The following ZNF605 variants were observed in gnomAD, a reference collection of about 807,000 sequenced individuals.
ZNF605 encodes zinc finger protein 605.
A neutral mutation model predicts 7.9 loss-of-function variants in ZNF605; 9 were observed. The observed-to-expected ratio is 1.14, with a 90% confidence interval of 0.68 to 1.98. ZNF605 has a LOEUF of 1.98. Among genes scored for constraint, ZNF605 ranks in the 30% most tolerant of loss-of-function variants. The pLI, the probability that ZNF605 is intolerant of heterozygous loss-of-function variation, is 0.00. For synonymous variants in ZNF605, 255 were observed against 260.1 expected, an observed-to-expected ratio of 0.98 and a Z score of 0.19; for missense variants, 673 against 762.4, an observed-to-expected ratio of 0.88 and a Z score of 1.38.
chr12:132,926,926 T>C lies in ZNF605; in HGVS notation c.373A>G (p.Lys125Glu). The C allele has an allele frequency of 1.2e-6, 2 of 1,611,584 alleles. No homozygotes were observed. Among genetic ancestry groups the C allele is most frequent in the East Asian group, 4.5e-5 (2 of 44,872 alleles). The change falls in exon 5 of 5, where the codon AAG becomes GAG. Residue 125 changes from lysine (K) to glutamate (E), a missense_variant. Transcript: ENST00000360187. ...CERKKIDELN[K>E]KLLFCIKPGR... ...GGTTTGATACAGAACAATAATTTCT[T>C]ATTGAGTTCATCAATTTTCTTTCTT...
In ZNF605 at chr12:132,945,799, T is replaced by C; in HGVS notation, c.-162-2A>G. On this transcript the variant is annotated splice_acceptor_variant, in intron 2 of 4. Transcript: ENST00000360187. LOFTEE classifies it low-confidence loss of function (5UTR_SPLICE). Reference sequence around the variant, plus strand: ...TGTCTTGTTCCAGAGGGCTATTGCCTGTGGATGCAGTGGACATTTTATTTT... The same window carrying C: ...TGTCTTGTTCCAGAGGGCTATTGCCCGTGGATGCAGTGGACATTTTATTTT... 1.0e-6 allele frequency: 1 copy of C among 968,744 alleles called. No homozygotes were observed. Among genetic ancestry groups the C allele is most frequent in the Non-Finnish European group, 1.6e-6 (1 of 612,450 alleles). 60.0% of individuals were successfully genotyped at this position (968,744 alleles called of 1,614,324 possible). A position where few individuals can be genotyped will look rare whatever the true frequency, so the allele number is the denominator to read the frequency against.
At chr12:132,938,938 T>C (rs111986048) in intron 3 of ZNF605, among the ~76,000 whole-genome samples, 90 of 152,074 alleles carry the variant, frequency 5.9e-4, no homozygotes, top group African/African-American at 1.1e-3. Flanking sequence ...CCAGCAGTGC[T>C]GGCCCACCGG....
At chr12:132,935,275 G>T (rs1040724867) in intron 3 of ZNF605, among the ~76,000 whole-genome samples, 1 of 152,046 alleles carries the variant, frequency 6.6e-6, no homozygotes, top group African/African-American at 2.4e-5. Context: ...GGAGTACTCC[G>T]TGTGTGGGTC....
At position 132,933,329 on chromosome 12, in the gene ZNF605, C is replaced by T. The variant is rs1952324959; in HGVS notation, c.16-174G>A. On this transcript the variant is annotated intron_variant, in intron 3 of 4. Coordinates refer to ENST00000360187, the MANE Select transcript of ZNF605 (RefSeq NM_183238.4). The surrounding 1 kb of genome is among the most constrained non-coding windows in gnomAD (Gnocchi z 4.4). ...TGACCGTGGGCTGGACTCACTGACT[C>T]ATTGTCCTGAACAGAACAGGGAAAC... Among the ~76,000 whole-genome samples, 3 of 152,228 alleles carry T rather than the reference C, an allele frequency of 2.0e-5. No homozygotes were observed. The South Asian group carries it at 6.2e-4, about 31-fold the overall frequency.
chr12:132,925,035 A>T lies in ZNF605; in HGVS notation c.*338T>A. ...TGAAATCTTCCACTTTGTTATAAAA[A>T]ACAATAGAATTTTCTTCCTGTTTAG... On this transcript the variant is annotated 3_prime_UTR_variant, in exon 5 of 5. Transcript: ENST00000360187. 1 of 197,996 alleles carries T rather than the reference A, an allele frequency of 5.1e-6. No individual in the cohort carries two copies. Among genetic ancestry groups the T allele is most frequent in the Non-Finnish European group, 1.0e-5 (1 of 98,574 alleles). 12.3% of individuals were successfully genotyped at this position (197,996 alleles called of 1,614,324 possible).
At position 132,926,595 on chromosome 12, in the gene ZNF605, C is replaced by T; in HGVS notation, c.704G>A (p.Ser235Asn). The T allele has an allele frequency of 5.0e-6, 8 of 1,614,176 alleles. No individual in the cohort carries two copies. The South Asian group carries it at 7.7e-5, about 16-fold the overall frequency. Reference protein sequence around the residue: ...HGCSECQKAFSRKSLLILHQR... With the variant: ...HGCSECQKAFNRKSLLILHQR... ...ATGTAAAATGAGGAGTGACTTCCTA[C>T]TAAAAGCTTTCTGACATTCGCTGCA... Residue 235 changes from serine (S) to asparagine (N), a missense_variant, in exon 5 of 5, where the codon AGT (serine) becomes AAT (asparagine). Transcript: ENST00000360187.
At position 132,941,165 on chromosome 12, in the gene ZNF605, G is replaced by A. The variant is rs1423036381; in HGVS notation, c.15+4456C>T. On this transcript the variant is annotated intron_variant, in intron 3 of 4. Transcript: ENST00000360187. The surrounding 1 kb of genome is among the most constrained non-coding windows in gnomAD (Gnocchi z 5.1). The stretch of plus-strand genomic sequence containing the variant: ...AGACTAAGATGTCTTCCACTCCGGA[G>A]CAAGCAGATATGTGACTGACCGCCT... 6.6e-6 allele frequency among the ~76,000 whole-genome samples: 1 copy of A among 152,114 alleles called. No individual in the cohort carries two copies. Among genetic ancestry groups the A allele is most frequent in the Admixed American group, 6.6e-5 (1 of 15,262 alleles).
intron 3 of ZNF605, among the ~76,000 whole-genome samples, chr12:132,936,310 G>A (rs1952366534): frequency 6.6e-6 from 1 of 151,984 alleles, no homozygotes; most frequent in Non-Finnish European, 1.5e-5. Context: ...GAGTAGATTA[G>A]GAAAAGATAA....
At chr12:132,930,993 CA>C in intron 4 of ZNF605, among the ~76,000 whole-genome samples, 1 of 152,210 alleles carries the variant, frequency 6.6e-6, no homozygotes, top group South Asian at 2.1e-4. Context: ...CCAGCCTGGG[CA>C]ACATAGTGAG....
chr12:132,951,617 G>C, intron 1 of ZNF605, among the ~76,000 whole-genome samples: 1 of 139,878 alleles, frequency 7.1e-6, no homozygotes, highest in East Asian at 2.2e-4. Context: ...ACACACGTTC[G>C]TATCACAGAC....
intron 3 of ZNF605, among the ~76,000 whole-genome samples, chr12:132,943,965 A>T (rs1208995304): frequency 6.6e-6 from 1 of 152,202 alleles, no homozygotes; most frequent in African/African-American, 2.4e-5. Context: ...ATGCCCAGGA[A>T]CGTCCTGATG....
At chr12:132,950,183 G>A (rs1363908381) in intron 1 of ZNF605, among the ~76,000 whole-genome samples, 4 of 152,018 alleles carry the variant, frequency 2.6e-5, no homozygotes, top group East Asian at 3.9e-4. Context: ...GAATTAGTTC[G>A]GACCCTTTTT....
chr12:132,943,372 A>C (rs1479284147), intron 3 of ZNF605, among the ~76,000 whole-genome samples: 133 of 151,592 alleles, frequency 8.8e-4, no homozygotes, highest in African/African-American at 3.1e-3. Flanking sequence ...AAAAAAAAAA[A>C]CAAAAAAAAC....
At position 132,925,376 on chromosome 12, in the gene ZNF605, T is replaced by C. The variant is rs1212714308; in HGVS notation, c.1923A>G (p.Ile641Met). The C allele has an allele frequency of 1.1e-5, 17 of 1,570,456 alleles. No individual in the cohort carries two copies. Among genetic ancestry groups the C allele is most frequent in the Non-Finnish European group, 1.5e-5 (17 of 1,159,010 alleles). ...QLMIHQRNHI[I>M] ...GCATTCGCCAAAGTCATGATTTTTATATTATATGATTTCTCTGATGTATCA... is the reference window on the plus strand; with the variant it reads ...GCATTCGCCAAAGTCATGATTTTTACATTATATGATTTCTCTGATGTATCA... The change falls in exon 5 of 5, where the codon ATA becomes ATG. Residue 641 changes from isoleucine (I) to methionine (M), a missense_variant. Physicochemically the swap from Ile to Met is conservative, Grantham distance 10. Transcript: ENST00000360187.
In ZNF605 at chr12:132,923,527, T is replaced by C. The variant is rs899800410; in HGVS notation, c.*1846A>G. The C allele has an allele frequency of 6.6e-6, 1 of 152,264 alleles. No homozygotes were observed. Among genetic ancestry groups the C allele is most frequent in the Non-Finnish European group, 1.5e-5 (1 of 68,048 alleles). The allele number at this position is 152,264 out of a possible 1,614,324, so 9.4% of individuals were successfully genotyped here. A position where few individuals can be genotyped will look rare whatever the true frequency, so the allele number is the denominator to read the frequency against. On this transcript the variant is annotated 3_prime_UTR_variant, in exon 5 of 5. Coordinates refer to ENST00000360187, the MANE Select transcript of ZNF605 (RefSeq NM_183238.4). The stretch of plus-strand genomic sequence containing the variant: ...TTAGAGATAATACTCCATTGTCTTA[T>C]AGCTTGCATAGTTCTCACCAGAAAT...
At chr12:132,950,830 TAACG>T (rs1952552749) in intron 1 of ZNF605, among the ~76,000 whole-genome samples, 1 of 149,710 alleles carries the variant, frequency 6.7e-6, no homozygotes. Context: ...CACACACTGA[TAACG>T]AACATCACAC....
At position 132,926,417 on chromosome 12, in the gene ZNF605, T is replaced by C; in HGVS notation, c.882A>G (p.Leu294=). ...GCGCTCTCTGATGTGTGATGAGTTT[T>C]AATTTCTGGGAGAATGCTTTCCCAC... ...SECGKAFSQK[L]KLITHQRAHT... The change falls in exon 5 of 5, where the codon TTA becomes TTG. Residue 294 remains leucine (L), a synonymous_variant. Transcript: ENST00000360187. The C allele has an allele frequency of 6.2e-7, 1 of 1,614,148 alleles. No homozygotes were observed. The highest frequency in any genetic ancestry group is 1.1e-5 in the South Asian group (1 of 91,074).
At chr12:132,949,435 G>A (rs1215164558) in intron 1 of ZNF605, among the ~76,000 whole-genome samples, 10 of 152,152 alleles carry the variant, frequency 6.6e-5, no homozygotes, top group African/African-American at 1.7e-4. Flanking sequence ...AGAACCCTGC[G>A]CCTTTTGCAG....
intron 3 of ZNF605, among the ~76,000 whole-genome samples, chr12:132,940,853 T>G: frequency 6.6e-6 from 1 of 152,104 alleles, no homozygotes; most frequent in East Asian, 1.9e-4. Context: ...GTCGCCCAGG[T>G]GGTGAGCACA....
Sources: gnomAD v4.1 joint callset for allele counts (sites outside exome capture counted in the v4.1 genomes callset) on GRCh38, gnomAD v4.1.1 for gene constraint, Gnocchi (gnomAD v3.1) non-coding constraint, MANE v1.5 for transcripts, NCBI Gene and HGNC (gene_info 2026-07-23, HGNC 2026-07-21) for gene names.